The following SUGCT variants were observed in gnomAD, a reference collection of about 807,000 sequenced individuals.
SUGCT encodes succinyl-CoA:glutarate-CoA transferase, also known as succinyl-CoA:glutarate CoA-transferase.
SUGCT carries 41 observed loss-of-function variants against 55.0 expected under a neutral mutation model. The observed-to-expected ratio is 0.74, with a 90% CI of 0.58 to 0.97. SUGCT has a LOEUF of 0.97. Ranked by LOEUF, SUGCT falls within the 50% of genes least tolerant of loss-of-function variation. SUGCT has a pLI of 0.00. For missense variants in SUGCT, 568 were observed against 547.8 expected (o/e 1.04, Z -0.37); for synonymous variants, 187 against 200.4 (o/e 0.93, Z 0.56).
the SUGCT span, among the ~76,000 whole-genome samples, chr7:41,017,571 C>A: frequency 1.3e-5 from 2 of 151,896 alleles, no homozygotes; most frequent in African/African-American, 4.8e-5. Context: ...GAGATCGAGA[C>A]CATCCTGGCT....
chr7:40,244,903 T>C (rs1789715094), intron 7 of SUGCT, among the ~76,000 whole-genome samples: 1 of 152,212 alleles, frequency 6.6e-6, no homozygotes, highest in South Asian at 2.1e-4. Context: ...TTTCCTTGAG[T>C]GTCTAACGGT....
chr7:40,797,465 C>T (rs1790603653), intron 13 of SUGCT, among the ~76,000 whole-genome samples: 1 of 152,092 alleles, frequency 6.6e-6, no homozygotes, highest in African/African-American at 2.4e-5. Context: ...CACATCAGTC[C>T]CCGTAGTTGG....
chr7:40,713,365 C>G (rs1419435076), intron 12 of SUGCT, among the ~76,000 whole-genome samples: 1 of 152,198 alleles, frequency 6.6e-6, no homozygotes, highest in African/African-American at 2.4e-5. Flanking sequence ...TTAGCCCCTT[C>G]TAAGTCCTGT....
intron 12 of SUGCT, among the ~76,000 whole-genome samples, chr7:40,660,340 C>A (rs1278442976): frequency 6.6e-6 from 1 of 152,094 alleles, no homozygotes; most frequent in African/African-American, 2.4e-5. Context: ...CTCGCTGCAA[C>A]CTCTGCCTCC....
chr7:40,189,536 ATT>A lies in SUGCT; in HGVS notation c.313-4_313-3del. The A allele has an allele frequency of 8.9e-7, 1 of 1,123,288 alleles. No individual in the cohort carries two copies. The highest frequency in any genetic ancestry group is 1.2e-6 in the Non-Finnish European group (1 of 859,430). 69.6% of individuals were successfully genotyped at this position (1,123,288 alleles called of 1,614,324 possible). A position where few individuals can be genotyped will look rare whatever the true frequency, so the allele number is the denominator to read the frequency against. On this transcript the variant is annotated splice_polypyrimidine_tract_variant and splice_region_variant and intron_variant, in intron 4 of 13. Transcript: ENST00000335693. ...ATAATATATATATATATATTTTTTA[ATT>A]TTTAGAGTATTGCTGTTAATATCAA...
chr7:40,270,029 G>A (rs1401094408), intron 7 of SUGCT, among the ~76,000 whole-genome samples: 1 of 151,590 alleles, frequency 6.6e-6, no homozygotes, highest in Non-Finnish European at 1.5e-5. Flanking sequence ...CCAGCTACAC[G>A]GGAGGCTGAG....
At chr7:40,906,568 A>C in the SUGCT span, among the ~76,000 whole-genome samples, 1 of 152,366 alleles carries the variant, frequency 6.6e-6, no homozygotes, top group African/African-American at 2.4e-5. Context: ...TACAAATAAA[A>C]ACAATAGAGT....
the SUGCT span, among the ~76,000 whole-genome samples, chr7:40,927,145 A>G: frequency 1.3e-5 from 2 of 152,258 alleles, no homozygotes; most frequent in East Asian, 3.8e-4. Context: ...CCAATCTCAC[A>G]TAGTCTAAGA....
chr7:40,632,131 G>C (rs1205383231), intron 12 of SUGCT, among the ~76,000 whole-genome samples: 1 of 152,104 alleles, frequency 6.6e-6, no homozygotes, highest in Non-Finnish European at 1.5e-5. Context: ...AATATGAGTG[G>C]GATGCATTTG....
rs574924010 is a variant in SUGCT at position 40,377,567 on chromosome 7, G to C, written c.816+60712G>C. Among the ~76,000 whole-genome samples the C allele has an allele frequency of 3.3e-5, 5 of 151,990 alleles. No homozygotes were observed. The South Asian group carries it at 1.0e-3, about 32-fold the overall frequency. On this transcript the variant is annotated intron_variant, in intron 9 of 13. Transcript: ENST00000335693. ...CTTCAGCCATTATTCTTTAGAAAGT[G>C]ATGTTCCCCACCCTGTGTGCAAGTA...
intron 7 of SUGCT, among the ~76,000 whole-genome samples, chr7:40,248,666 C>A (rs1790078361): frequency 6.6e-6 from 1 of 151,950 alleles, no homozygotes; most frequent in Non-Finnish European, 1.5e-5. Flanking sequence ...CACATCTGGC[C>A]CCACATGTAC....
At chr7:40,955,733 T>G in the SUGCT span, among the ~76,000 whole-genome samples, 2 of 152,176 alleles carry the variant, frequency 1.3e-5, no homozygotes, top group Admixed American at 1.3e-4. Flanking sequence ...ATGCTTCCAG[T>G]TTTTCCCATT....
the SUGCT span, among the ~76,000 whole-genome samples, chr7:40,955,060 G>T: frequency 6.6e-6 from 1 of 152,174 alleles, no homozygotes; most frequent in Non-Finnish European, 1.5e-5. Flanking sequence ...ATAGTTTGAA[G>T]TCAGGTAGCA....
intron 12 of SUGCT, among the ~76,000 whole-genome samples, chr7:40,517,602 T>C (rs181925303): frequency 1.1e-4 from 16 of 152,252 alleles, no homozygotes; most frequent in Admixed American, 7.2e-4. Context: ...ATAATGACTG[T>C]TTTGAAGATT....
chr7:40,863,458 C>T (rs565699859), downstream of SUGCT, among the ~76,000 whole-genome samples: 6 of 152,250 alleles, frequency 3.9e-5, no homozygotes, highest in South Asian at 2.1e-4. Flanking sequence ...TCAGGTCCCA[C>T]GTGGCTCAAT....
intron 11 of SUGCT, among the ~76,000 whole-genome samples, chr7:40,486,724 C>CTTT (rs59425229): frequency 1.5e-5 from 2 of 133,898 alleles, no homozygotes; most frequent in Non-Finnish European, 3.2e-5. Flanking sequence ...TTCTTCCTTC[C>CTTT]TTTTTTTTTT....
chr7:40,619,010 T>C (rs1013590959), intron 12 of SUGCT, among the ~76,000 whole-genome samples: 3 of 152,172 alleles, frequency 2.0e-5, no homozygotes, highest in Non-Finnish European at 4.4e-5. Context: ...CCCACCGTCT[T>C]TGAGTCACAT....
intron 6 of SUGCT, among the ~76,000 whole-genome samples, chr7:40,222,290 G>A (rs1294168778): frequency 1.3e-5 from 2 of 152,198 alleles, no homozygotes; most frequent in South Asian, 4.1e-4. Flanking sequence ...TTAAATCCCC[G>A]TCAATCACAG....
At chr7:40,235,736 C>T (rs1788976172) in intron 6 of SUGCT, among the ~76,000 whole-genome samples, 1 of 152,194 alleles carries the variant, frequency 6.6e-6, no homozygotes, top group Non-Finnish European at 1.5e-5. Flanking sequence ...AACAGAAAAA[C>T]ATTCTGGAGT....
Sources: allele counts gnomAD v4.1 joint callset (sites outside exome capture counted in the v4.1 genomes callset), GRCh38; gene constraint gnomAD v4.1.1; transcripts MANE v1.5; gene names NCBI Gene and HGNC (gene_info 2026-07-23, HGNC 2026-07-21).